PADI1: variants seen among roughly 807,000 people sequenced by gnomAD.
PADI1 encodes peptidyl arginine deiminase 1.
A neutral mutation model predicts 74.8 loss-of-function variants in PADI1; 65 were observed. The observed-to-expected ratio is 0.87, with a 90% CI of 0.71 to 1.07. The LOEUF is 1.07. Among genes scored for constraint, PADI1 ranks in the 50% least tolerant of loss-of-function variants. The probability of loss-of-function intolerance (pLI) is 0.00; values close to 1 mark genes in which losing one functional copy is unlikely to be tolerated. For missense variants in PADI1, 943 were observed against 854.0 expected, an observed-to-expected ratio of 1.10 and a Z score of -1.30; for synonymous variants, 371 against 336.2, an observed-to-expected ratio of 1.10 and a Z score of -1.13.
intron 2 of PADI1, among the ~76,000 whole-genome samples, chr1:17,223,015 G>A (rs1167805573): frequency 6.6e-6 from 1 of 152,208 alleles, no homozygotes; most frequent in Non-Finnish European, 1.5e-5. Flanking sequence ...GGATAAAGCA[G>A]CTGTTGAGGG....
intron 11 of PADI1, 30 bp from the exon 12 acceptor site, chr1:17,237,284 G>GTGAC (rs1404835868): frequency 6.3e-7 from 1 of 1,579,880 alleles, no homozygotes; most frequent in South Asian, 1.2e-5. Flanking sequence ...CAGGCACAAG[G>GTGAC]TGACTGCCCG....
At chr1:17,224,503 C>G in intron 4 of PADI1, 75 bp downstream of exon 4, 1 of 1,111,248 alleles carries the variant, frequency 9.0e-7, no homozygotes, top group Non-Finnish European at 1.3e-6. Flanking sequence ...GGATTGTGCC[C>G]TCCCTCCAGA....
rs149410132 is a variant in PADI1, at chr1:17,212,695, T to A, written c.92+7386T>A. Among the ~76,000 whole-genome samples, 76 of 152,142 alleles carry A rather than the reference T, an allele frequency of 5.0e-4. 1 individual carries two copies. Among genetic ancestry groups the A allele is most frequent in the African/African-American group, 1.8e-3 (73 of 41,498 alleles). ...TGTCAAAGCAGAGAGGGGTGTGAGGTAGTGAGCTGTCAGTCTTTGGGAGTG... is the reference window on the plus strand; with the variant it reads ...TGTCAAAGCAGAGAGGGGTGTGAGGAAGTGAGCTGTCAGTCTTTGGGAGTG... On this transcript the variant is annotated intron_variant, in intron 1 of 15. Coordinates refer to ENST00000375471, the MANE Select transcript of PADI1 (RefSeq NM_013358.3).
intron 1 of PADI1, among the ~76,000 whole-genome samples, chr1:17,218,566 G>A (rs571421542): frequency 1.3e-5 from 2 of 152,204 alleles, no homozygotes; most frequent in Non-Finnish European, 2.9e-5. Context: ...TCAATGAGGG[G>A]AAGAAGAGAA....
intron 10 of PADI1, among the ~76,000 whole-genome samples, 159 bp downstream of exon 10, chr1:17,230,838 C>A (rs745502864): frequency 6.6e-6 from 1 of 152,118 alleles, no homozygotes; most frequent in Non-Finnish European, 1.5e-5. Context: ...GGAGCCAGTG[C>A]GGAGTTTGGG....
rs143089550 is a variant in PADI1, at chr1:17,223,692, C to A, written c.345C>A (p.Val115=). The part of the protein sequence containing the change: ...LGRSVLYLTG[V]DISLEVDTGR... The stretch of plus-strand genomic sequence containing the variant: ...GCAGCGTGCTTTACCTCACTGGCGT[C>A]GGTAAGTAGCAGCTCCCTGGCTGCC... The change falls in exon 3 of 16, where the codon GTC becomes GTA. Residue 115 remains valine (V), a splice_region_variant and synonymous_variant. Coordinates refer to ENST00000375471, the MANE Select transcript of PADI1 (RefSeq NM_013358.3). The A allele has an allele frequency of 6.2e-7, 1 of 1,613,458 alleles. No homozygotes were observed. The highest frequency in any genetic ancestry group is 8.5e-7 in the Non-Finnish European group (1 of 1,179,484).
intron 4 of PADI1, among the ~76,000 whole-genome samples, chr1:17,225,210 C>A (rs2072273848): frequency 6.6e-6 from 1 of 152,208 alleles, no homozygotes. Context: ...CTCAGAACCT[C>A]CCCGCACCCT....
At chr1:17,227,772 T>C (rs1251409103) in intron 6 of PADI1, among the ~76,000 whole-genome samples, 1 of 152,142 alleles carries the variant, frequency 6.6e-6, no homozygotes, top group South Asian at 2.1e-4. Context: ...GGCAGAGGAC[T>C]CAGCTTAAAA....
At chr1:17,231,641 A>AT (rs1175287310) in intron 10 of PADI1, among the ~76,000 whole-genome samples, 2 of 151,746 alleles carry the variant, frequency 1.3e-5, no homozygotes, top group Admixed American at 1.3e-4. Flanking sequence ...GAGCCAGGGG[A>AT]TTTTTTCACT....
chr1:17,222,285 G>A lies in PADI1; in HGVS notation c.93-5G>A, dbSNP rs533197186. 3.1e-6 allele frequency: 5 copies of A among 1,611,712 alleles called. No individual in the cohort carries two copies. The highest frequency in any genetic ancestry group is 2.7e-5 in the African/African-American group (2 of 74,960). The stretch of plus-strand genomic sequence containing the variant: ...GGTTCTCTTCCCATCTCTCTTCTCT[G>A]CCAGTGATGTGCCCAAGGGTGCCAA... On this transcript the variant is annotated splice_region_variant and splice_polypyrimidine_tract_variant and intron_variant, in intron 1 of 15. Coordinates refer to ENST00000375471, the MANE Select transcript of PADI1 (RefSeq NM_013358.3).
chr1:17,239,587 T>A, intron 13 of PADI1, 117 bp from the exon 14 acceptor site: 1 of 755,952 alleles, frequency 1.3e-6, no homozygotes. Flanking sequence ...CTGTCCTGGC[T>A]TCTGACCCTG....
At chr1:17,224,255 C>T in intron 3 of PADI1, 112 bp from the exon 4 acceptor site, 1 of 859,588 alleles carries the variant, frequency 1.2e-6, no homozygotes, top group Admixed American at 2.0e-5. Flanking sequence ...CCAGACAGGG[C>T]TTCCAGTCCT....
At chr1:17,206,671 T>C (rs934488851) in intron 1 of PADI1, among the ~76,000 whole-genome samples, 4 of 136,646 alleles carry the variant, frequency 2.9e-5, no homozygotes, top group African/African-American at 6.0e-5. Context: ...CTGAAGTCTT[T>C]TTTTTCTTTT....
chr1:17,211,964 C>CT (rs2071843439), intron 1 of PADI1, among the ~76,000 whole-genome samples: 1 of 152,250 alleles, frequency 6.6e-6, no homozygotes, highest in African/African-American at 2.4e-5. Flanking sequence ...TTTGTCTCTG[C>CT]TTTCCTGGTG....
chr1:17,216,671 G>T (rs1396595463), intron 1 of PADI1, among the ~76,000 whole-genome samples: 1 of 152,148 alleles, frequency 6.6e-6, no homozygotes, highest in Non-Finnish European at 1.5e-5. Context: ...GGGAGTTCAA[G>T]ACCAGCCTGG....
At chr1:17,220,134 G>A (rs952353758) in intron 1 of PADI1, among the ~76,000 whole-genome samples, 1 of 142,022 alleles carries the variant, frequency 7.0e-6, no homozygotes, top group Non-Finnish European at 1.5e-5. Context: ...GTGGGGGATG[G>A]GGGAGGTGGG....
chr1:17,224,504 T>C, intron 4 of PADI1, 76 bp downstream of exon 4: 5 of 1,103,550 alleles, frequency 4.5e-6, no homozygotes, highest in Non-Finnish European at 6.8e-6. Context: ...GATTGTGCCC[T>C]CCCTCCAGAA....
intron 10 of PADI1, among the ~76,000 whole-genome samples, chr1:17,231,660 C>T (rs749912911): frequency 2.0e-5 from 3 of 152,016 alleles, no homozygotes; most frequent in Admixed American, 6.6e-5. Flanking sequence ...CTGATTTCTG[C>T]TCTCATCTTT....
intron 1 of PADI1, among the ~76,000 whole-genome samples, chr1:17,211,512 G>A (rs1557448645): frequency 6.6e-6 from 1 of 152,188 alleles, no homozygotes; most frequent in Non-Finnish European, 1.5e-5. Context: ...CTCACAACAA[G>A]CCTGTGAGAT....
Sources: allele counts gnomAD v4.1 joint callset (sites outside exome capture counted in the v4.1 genomes callset), GRCh38; gene constraint gnomAD v4.1.1; transcripts MANE v1.5; gene names NCBI Gene and HGNC (gene_info 2026-07-23, HGNC 2026-07-21).